TSC22D2: variants seen among roughly 807,000 people sequenced by gnomAD.
The protein encoded by TSC22D2 is TSC22 domain family protein 2.
In TSC22D2, 5 loss-of-function variants were observed where a neutral mutation model predicts 50.1. That is an observed-to-expected ratio of 0.10 (90% CI 0.05 to 0.21). The LOEUF is 0.21. TSC22D2 is among the 10% of genes least tolerant of loss of function. TSC22D2 has a pLI of 1.00. For missense variants in TSC22D2, 1,003 were observed against 1,015.5 expected (o/e 0.99, Z 0.17); for synonymous variants, 501 against 450.1 (o/e 1.11, Z -1.43).
intron 1 of TSC22D2, among the ~76,000 whole-genome samples, chr3:150,456,191 T>TG (rs1016932645): frequency 1.1e-4 from 17 of 148,108 alleles, no homozygotes; most frequent in African/African-American, 4.2e-4. Context: ...TTTTTTTTTT[T>TG]TTTGTTTTTT....
In TSC22D2 at chr3:150,409,334, C is replaced by A; in HGVS notation, c.-17C>A. ...AGAGGAGCCGGCGTGCCTCTCTGCC[C>A]TCCAGCCTTCTTCACCATGTCCAAG... On this transcript the variant is annotated 5_prime_UTR_variant, in exon 1 of 3. Transcript: ENST00000688009. This position sits in a 1 kb window ranked among gnomAD's most constrained non-coding sequence, Gnocchi z 7.4. The A allele has an allele frequency of 6.3e-7, 1 of 1,582,742 alleles. No individual in the cohort carries two copies. The highest frequency in any genetic ancestry group is 1.1e-5 in the South Asian group (1 of 88,896).
rs999171451 is a variant in TSC22D2, at chr3:150,408,500, C to T, written c.-851C>T. The T allele has an allele frequency of 6.6e-6, 1 of 152,404 alleles. No individual in the cohort carries two copies. The highest frequency in any genetic ancestry group is 2.4e-5 in the African/African-American group (1 of 41,460). 9.4% of individuals were successfully genotyped at this position (152,404 alleles called of 1,614,324 possible). A position where few individuals can be genotyped will look rare whatever the true frequency, so the allele number is the denominator to read the frequency against. On this transcript the variant is annotated 5_prime_UTR_variant, in exon 1 of 3. Coordinates refer to ENST00000688009, the MANE Select transcript of TSC22D2 (RefSeq NM_001303264.2). The stretch of plus-strand genomic sequence containing the variant: ...CCGCTACCTCACACAGCCGGGGCGC[C>T]TCCGGTCCCGTGCCAGCGGTCTGCC...
chr3:150,457,236 A>T, intron 2 of TSC22D2, 109 bp downstream of exon 2: 1 of 1,016,638 alleles, frequency 9.8e-7, no homozygotes, highest in South Asian at 1.5e-5. Flanking sequence ...AAAGATGACC[A>T]AATCATGTTT....
intron 1 of TSC22D2, among the ~76,000 whole-genome samples, chr3:150,454,294 A>C (rs373483236): frequency 3.3e-5 from 5 of 152,328 alleles, no homozygotes; most frequent in African/African-American, 1.2e-4. Context: ...ACCCGAGAGA[A>C]CATATGTTCC....
At chr3:150,434,154 T>G (rs1275105350) in intron 1 of TSC22D2, among the ~76,000 whole-genome samples, 3 of 29,540 alleles carry the variant, frequency 1.0e-4, no homozygotes, top group Non-Finnish European at 2.2e-4. Context: ...GGTTTTTTGT[T>G]TTTTTTTTTT....
At chr3:150,430,607 G>T (rs964874866) in intron 1 of TSC22D2, among the ~76,000 whole-genome samples, 2 of 152,156 alleles carry the variant, frequency 1.3e-5, no homozygotes, top group Admixed American at 1.3e-4. Context: ...TTGATAAGCT[G>T]GTACAAAGTC....
Position 150,411,290 on chromosome 3 carries a change from TTGATGG to T in TSC22D2, c.1946_1951del (p.Gly649_Asp650del), listed in dbSNP as rs1376756515. ...TCTGTATTCAGCATAGCTATTCCTGTTGATGGTGATGAAGACAGGTATGGAAATCTC... is the reference window on the plus strand; with the variant it reads ...TCTGTATTCAGCATAGCTATTCCTGTTGATGAAGACAGGTATGGAAATCTC... On this transcript the variant is annotated inframe_deletion, in exon 1 of 3. Coordinates refer to ENST00000688009, the MANE Select transcript of TSC22D2 (RefSeq NM_001303264.2). 15 of 1,610,810 alleles carry T rather than the reference TTGATGG, an allele frequency of 9.3e-6. No homozygotes were observed. The East Asian group carries it at 3.1e-4, about 34-fold the overall frequency.
At position 150,452,853 on chromosome 3, in the gene TSC22D2, A is replaced by T. The variant is rs940725110; in HGVS notation, c.1959-4223A>T. Among the ~76,000 whole-genome samples, 7 of 152,186 alleles carry T rather than the reference A, an allele frequency of 4.6e-5. 1 individual carries two copies. The South Asian group carries it at 1.4e-3, about 32-fold the overall frequency. On this transcript the variant is annotated intron_variant, in intron 1 of 2. Transcript: ENST00000688009. The stretch of plus-strand genomic sequence containing the variant: ...ATTCTCTCCATATCCACAATTTTTA[A>T]TGCATCTGTAAATGCTAATAAATGT...
intron 1 of TSC22D2, among the ~76,000 whole-genome samples, chr3:150,416,627 A>G (rs960481056): frequency 6.6e-6 from 1 of 152,090 alleles, no homozygotes. Context: ...GATATTTGTT[A>G]TATTCTTAAT....
intron 1 of TSC22D2, among the ~76,000 whole-genome samples, chr3:150,441,857 A>G (rs914234353): frequency 6.6e-6 from 1 of 152,144 alleles, no homozygotes; most frequent in Non-Finnish European, 1.5e-5. Context: ...TATCATCTTT[A>G]TGCTATAGGA....
intron 1 of TSC22D2, among the ~76,000 whole-genome samples, chr3:150,413,143 G>A (rs959531302): frequency 2.0e-5 from 3 of 152,132 alleles, no homozygotes; most frequent in Non-Finnish European, 4.4e-5. Context: ...TTGATAGATG[G>A]AAACTGAAAT....
rs1181226348 is a variant in TSC22D2, at chr3:150,464,971, A to G, written c.*6335A>G. Reference sequence around the variant, plus strand: ...ATTATCTTGGCTGACAAAATCAGCTACCATTTAATGAACCAAGTTAAGAAT... The same window carrying G: ...ATTATCTTGGCTGACAAAATCAGCTGCCATTTAATGAACCAAGTTAAGAAT... On this transcript the variant is annotated 3_prime_UTR_variant, in exon 3 of 3. Transcript: ENST00000688009. 2 of 152,230 alleles carry G rather than the reference A, an allele frequency of 1.3e-5. No homozygotes were observed. Among genetic ancestry groups the G allele is most frequent in the East Asian group, 3.8e-4 (2 of 5,204 alleles). The allele number at this position is 152,230 out of a possible 1,614,324, so 9.4% of individuals were successfully genotyped here.
At chr3:150,457,339 C>T (rs964299346) in intron 2 of TSC22D2, among the ~76,000 whole-genome samples, 2 of 152,280 alleles carry the variant, frequency 1.3e-5, no homozygotes, top group South Asian at 2.1e-4. Context: ...ATTTGAATAT[C>T]TCACATTTCA....
In TSC22D2 at chr3:150,413,629, GT is replaced by G. The variant is rs528907195; in HGVS notation, c.1958+2324del. On this transcript the variant is annotated intron_variant, in intron 1 of 2. Transcript: ENST00000688009. ...AGAACAGGGTATTTTAAAATTTTGT[GT>G]TTGAAATTAAATAACAGTTTTCCAG... Among the ~76,000 whole-genome samples, 314 of 148,270 alleles carry G rather than the reference GT, an allele frequency of 2.1e-3. 2 individuals carry two copies. Among genetic ancestry groups the G allele is most frequent in the Non-Finnish European group, 3.6e-3 (244 of 67,166 alleles).
chr3:150,421,765 C>T (rs906610896), intron 1 of TSC22D2, among the ~76,000 whole-genome samples: 5 of 151,972 alleles, frequency 3.3e-5, no homozygotes, highest in African/African-American at 1.2e-4. Context: ...GTATCTAAAC[C>T]TCATTTTGTA....
At chr3:150,419,155 A>G (rs1357494936) in intron 1 of TSC22D2, among the ~76,000 whole-genome samples, 1 of 152,048 alleles carries the variant, frequency 6.6e-6, no homozygotes, top group African/African-American at 2.4e-5. Flanking sequence ...GATCTTTCCA[A>G]CAATTTGTAA....
At chr3:150,428,603 A>AAC (rs943870675) in intron 1 of TSC22D2, among the ~76,000 whole-genome samples, 6 of 147,306 alleles carry the variant, frequency 4.1e-5, no homozygotes, top group African/African-American at 7.4e-5. Flanking sequence ...GTAAAAAAAA[A>AAC]AAAAAACATA....
intron 1 of TSC22D2, among the ~76,000 whole-genome samples, chr3:150,452,272 C>T (rs1721065245): frequency 6.6e-6 from 1 of 151,946 alleles, no homozygotes; most frequent in Admixed American, 6.6e-5. Flanking sequence ...ATAGAGAAAC[C>T]CCGTCTCCAC....
chr3:150,431,215 G>A (rs1444349445), intron 1 of TSC22D2, among the ~76,000 whole-genome samples: 5 of 100,508 alleles, frequency 5.0e-5, no homozygotes, highest in South Asian at 3.3e-4. Context: ...ACAGAGTGAG[G>A]CTCTGTCTCA....
Sources: gnomAD v4.1 joint callset for allele counts (sites outside exome capture counted in the v4.1 genomes callset) on GRCh38, gnomAD v4.1.1 for gene constraint, Gnocchi (gnomAD v3.1) non-coding constraint, MANE v1.5 for transcripts, NCBI Gene and HGNC (gene_info 2026-07-23, HGNC 2026-07-21) for gene names.